ARFGAP3: variants seen among roughly 807,000 people sequenced by gnomAD.
ARFGAP3 encodes the protein ARF GTPase activating protein 3.
In ARFGAP3, 72 loss-of-function variants were observed where a neutral mutation model predicts 75.0. That is an observed-to-expected ratio of 0.96 (90% CI 0.79 to 1.17). The LOEUF (loss-of-function observed/expected upper bound fraction) is 1.17, where lower values mean the gene tolerates loss of function less well. Ranked by LOEUF, ARFGAP3 falls within the 50% of genes most tolerant of loss-of-function variation. The probability of loss-of-function intolerance (pLI) is 0.00; values close to 1 mark genes in which losing one functional copy is unlikely to be tolerated. For missense variants in ARFGAP3, 620 were observed against 626.6 expected (o/e 0.99, Z 0.11); for synonymous variants, 221 against 217.9 (o/e 1.01, Z -0.13).
chr22:42,817,580 GA>G, intron 10 of ARFGAP3, 148 bp downstream of exon 10: 1 of 793,018 alleles, frequency 1.3e-6, no homozygotes, highest in Non-Finnish European at 2.0e-6. Flanking sequence ...ATGTTATACT[GA>G]ATACCAGAGC....
At chr22:42,855,675 T>A (rs1280915493) in intron 1 of ARFGAP3, among the ~76,000 whole-genome samples, 6 of 148,462 alleles carry the variant, frequency 4.0e-5, no homozygotes, top group Non-Finnish European at 8.9e-5. Context: ...AGAGCAAGGC[T>A]CTGTCTCAAA....
chr22:42,827,044 C>G, intron 6 of ARFGAP3, 45 bp from the exon 7 acceptor site: 2 of 1,606,464 alleles, frequency 1.2e-6, no homozygotes, highest in Non-Finnish European at 1.7e-6. Flanking sequence ...ATATACTCAG[C>G]TAACTTGCTT....
chr22:42,845,426 G>A (rs1019568111), intron 2 of ARFGAP3, among the ~76,000 whole-genome samples: 3 of 151,968 alleles, frequency 2.0e-5, no homozygotes, highest in South Asian at 4.2e-4. Flanking sequence ...TTAGGAGACT[G>A]AGGGCAGGAG....
chr22:42,797,664 C>A (rs148556455), intron 15 of ARFGAP3, 59 bp from the exon 16 acceptor site: 10 of 1,613,680 alleles, frequency 6.2e-6, no homozygotes, highest in Non-Finnish European at 6.8e-6. Context: ...CTGACTCCCA[C>A]GCCCTGAATA....
intron 11 of ARFGAP3, 70 bp downstream of exon 11, chr22:42,817,072 T>A: frequency 9.2e-7 from 1 of 1,090,842 alleles, no homozygotes; most frequent in Non-Finnish European, 1.4e-6. Flanking sequence ...CTAATGCAAA[T>A]AAACTAATAA....
chr22:42,848,169 C>T (rs753847338), intron 1 of ARFGAP3, among the ~76,000 whole-genome samples: 1 of 151,492 alleles, frequency 6.6e-6, no homozygotes, highest in Non-Finnish European at 1.5e-5. Flanking sequence ...CAGTTTACTA[C>T]ATGATTTATA....
At chr22:42,854,198 G>A (rs1003377881) in intron 1 of ARFGAP3, among the ~76,000 whole-genome samples, 3 of 152,094 alleles carry the variant, frequency 2.0e-5, no homozygotes, top group Non-Finnish European at 4.4e-5. Flanking sequence ...TACCATCAGT[G>A]TACATACCTT....
rs1049507938 is a variant in ARFGAP3 at position 42,835,470 on chromosome 22, C to T, written c.285G>A (p.Gly95=). 1.2e-6 allele frequency: 2 copies of T among 1,613,966 alleles called. No homozygotes were observed. Among genetic ancestry groups the T allele is most frequent in the Non-Finnish European group, 1.7e-6 (2 of 1,179,910 alleles). ...TGGCATTGGTGTCATTGGTGGAACA[C>T]CCATGTTGATGAAAAAAGGAAGACT... ...ASASSFFHQH[G]CSTNDTNAKY... Residue 95 remains glycine, a synonymous_variant, in exon 4 of 16, where the codon GGG becomes GGA. Coordinates refer to ENST00000263245, the MANE Select transcript of ARFGAP3 (RefSeq NM_014570.5).
intron 5 of ARFGAP3, 164 bp from the exon 6 acceptor site, chr22:42,831,800 A>G: frequency 7.5e-7 from 1 of 1,338,562 alleles, no homozygotes; most frequent in Non-Finnish European, 9.8e-7. Flanking sequence ...TTTTTTTTTT[A>G]GAAACAGGGT....
chr22:42,801,118 G>A (rs369513907), intron 14 of ARFGAP3, among the ~76,000 whole-genome samples: 2 of 152,212 alleles, frequency 1.3e-5, no homozygotes, highest in Admixed American at 6.5e-5. Flanking sequence ...CCAGGTGCAT[G>A]GGGCGGTGCC....
chr22:42,853,317 C>T (rs1019198899), intron 1 of ARFGAP3: 2 of 177,440 alleles, frequency 1.1e-5, no homozygotes, highest in African/African-American at 4.7e-5. Context: ...TCAGATGGGC[C>T]ATCACCCCTG....
intron 11 of ARFGAP3, among the ~76,000 whole-genome samples, chr22:42,815,164 C>A (rs1339118773): frequency 6.6e-6 from 1 of 152,110 alleles, no homozygotes; most frequent in Admixed American, 6.6e-5. Flanking sequence ...TTCCTCTGAC[C>A]CAGACTTAGT....
intron 6 of ARFGAP3, among the ~76,000 whole-genome samples, chr22:42,828,681 CTTT>C (rs11379515): frequency 1.7e-5 from 2 of 116,218 alleles, no homozygotes; most frequent in African/African-American, 3.2e-5. Flanking sequence ...AGCCCCCGGC[CTTT>C]TTTTTTTTTT....
intron 11 of ARFGAP3, among the ~76,000 whole-genome samples, chr22:42,812,314 C>A (rs998225246): frequency 2.6e-5 from 4 of 151,538 alleles, no homozygotes; most frequent in Non-Finnish European, 4.4e-5. Flanking sequence ...GATATACACA[C>A]CTCATTAAGG....
chr22:42,799,551 C>T (rs546115181), intron 14 of ARFGAP3, among the ~76,000 whole-genome samples: 6 of 152,148 alleles, frequency 3.9e-5, no homozygotes, highest in Non-Finnish European at 8.8e-5. Context: ...TTCTCATCAC[C>T]TCCTCCCTCT....
chr22:42,816,729 C>T (rs975351836), intron 11 of ARFGAP3, among the ~76,000 whole-genome samples: 7 of 152,172 alleles, frequency 4.6e-5, no homozygotes, highest in African/African-American at 1.7e-4. Context: ...TTATTTAATG[C>T]ACTATTGTAC....
chr22:42,828,152 G>A (rs1926124719), intron 6 of ARFGAP3, among the ~76,000 whole-genome samples: 1 of 152,064 alleles, frequency 6.6e-6, no homozygotes, highest in South Asian at 2.1e-4. Flanking sequence ...GCCAGGTGTG[G>A]TGGCTCACGC....
chr22:42,838,290 A>ATATATTTT (rs1555899059), intron 3 of ARFGAP3, among the ~76,000 whole-genome samples: 28 of 137,174 alleles, frequency 2.0e-4, no homozygotes, highest in Non-Finnish European at 3.2e-4. Flanking sequence ...ATATATATAT[A>ATATATTTT]TTTTTTTTTT....
chr22:42,802,814 G>T (rs1924937264), intron 14 of ARFGAP3, among the ~76,000 whole-genome samples: 1 of 149,294 alleles, frequency 6.7e-6, no homozygotes, highest in Non-Finnish European at 1.5e-5. Flanking sequence ...TGTTAGCCAG[G>T]ATGGTCTCGA....
Sources: allele counts gnomAD v4.1 joint callset (sites outside exome capture counted in the v4.1 genomes callset), GRCh38; gene constraint gnomAD v4.1.1; transcripts MANE v1.5; gene names NCBI Gene and HGNC (gene_info 2026-07-23, HGNC 2026-07-21).